Variants in USP6 observed in about 807,000 individuals in gnomAD.
USP6 encodes the protein ubiquitin specific peptidase 6.
USP6 carries 128 observed loss-of-function variants against 175.7 expected under a neutral mutation model. The observed-to-expected ratio is 0.73, with a 90% CI of 0.63 to 0.84. USP6 has a LOEUF of 0.84. Ranked by LOEUF, USP6 falls within the 40% of genes least tolerant of loss-of-function variation. The pLI is 0.00. For synonymous variants in USP6, 562 were observed against 630.6 expected (o/e 0.89, Z 1.63); for missense variants, 1,498 against 1,760.3 (o/e 0.85, Z 2.67).
chr17:5,164,758 G>C (rs2074067333), intron 33 of USP6, among the ~76,000 whole-genome samples: 1 of 152,238 alleles, frequency 6.6e-6, no homozygotes, highest in Non-Finnish European at 1.5e-5. Flanking sequence ...CATGTGCTTA[G>C]AAAGTCATGT....
At chr17:5,169,630 T>C (rs1456126019) in intron 35 of USP6, among the ~76,000 whole-genome samples, 1 of 152,070 alleles carries the variant, frequency 6.6e-6, no homozygotes. Flanking sequence ...TTTGTAGAGA[T>C]GGTGCTTCGC....
At chr17:5,136,953 G>A (rs551309791) in intron 18 of USP6, among the ~76,000 whole-genome samples, 168 bp from the exon 19 acceptor site, 32 of 152,348 alleles carry the variant, frequency 2.1e-4, no homozygotes, top group African/African-American at 7.7e-4. Flanking sequence ...TGCAGAGCAG[G>A]GCAAAGGGCA....
chr17:5,124,854 G>A lies in USP6; in HGVS notation c.-1010G>A, dbSNP rs982167681. 1 of 152,222 alleles carries A rather than the reference G, an allele frequency of 6.6e-6. No individual in the cohort carries two copies. The highest frequency in any genetic ancestry group is 2.4e-5 in the African/African-American group (1 of 41,452). 9.4% of individuals were successfully genotyped at this position (152,222 alleles called of 1,614,324 possible). A position where few individuals can be genotyped will look rare whatever the true frequency, so the allele number is the denominator to read the frequency against. ...ATCTACAGCCCCCAAAGTGTGCTGCGGGACCCTTGGGTGGGTGTAGGTATG... is the reference window on the plus strand; with the variant it reads ...ATCTACAGCCCCCAAAGTGTGCTGCAGGACCCTTGGGTGGGTGTAGGTATG... On this transcript the variant is annotated 5_prime_UTR_variant, in exon 5 of 38. Coordinates refer to ENST00000574788, the MANE Select transcript of USP6 (RefSeq NM_001304284.2).
chr17:5,133,336 A>G, intron 13 of USP6, 107 bp from the exon 14 acceptor site: 1 of 1,257,014 alleles, frequency 8.0e-7, no homozygotes, highest in South Asian at 1.3e-5. Flanking sequence ...TCTCGCCTCT[A>G]CTGAGGAATC....
In USP6 at chr17:5,135,191, A is replaced by G. The variant is rs776782793; in HGVS notation, c.495-43A>G. 1.9e-6 allele frequency: 3 copies of G among 1,603,726 alleles called. No individual in the cohort carries two copies. The East Asian group carries it at 6.7e-5, about 36-fold the overall frequency. ...TTGTAGACAAAGTGAAACTAACAGC[A>G]TCTGCACAAACCAAACCATAGCCCC... On this transcript the variant is annotated intron_variant, in intron 15 of 37. Transcript: ENST00000574788.
At chr17:5,170,437 G>A in intron 35 of USP6, 42 bp from the exon 36 acceptor site, 1 of 1,539,684 alleles carries the variant, frequency 6.5e-7, no homozygotes, top group Non-Finnish European at 8.8e-7. Flanking sequence ...CTTACTTTCT[G>A]GCATTTGGAT....
chr17:5,126,161 G>A (rs1260294062), intron 6 of USP6, among the ~76,000 whole-genome samples: 2 of 151,352 alleles, frequency 1.3e-5, no homozygotes, highest in Non-Finnish European at 2.9e-5. Context: ...CGTAGACCAT[G>A]CTTCAGTCTC....
chr17:5,139,707 T>C (rs567990363), intron 22 of USP6, 33 bp downstream of exon 22: 4 of 1,601,028 alleles, frequency 2.5e-6, no homozygotes, highest in Non-Finnish European at 3.4e-6. Flanking sequence ...TGAGCCACAA[T>C]GTGGGCATGG....
chr17:5,139,627 A>G lies in USP6; in HGVS notation c.1451A>G (p.Gln484Arg). The change falls in exon 22 of 38, where the codon CAG (glutamine) becomes CGG (arginine). Residue 484 changes from glutamine (Q) to arginine (R), a missense_variant. Gln to Arg is a conservative substitution (Grantham distance 43). Around this residue, in one of 2 missense-constraint regions of USP6, gnomAD observed 1,217 missense variants for 1,500.8 expected, o/e 0.81. Coordinates refer to ENST00000574788, the MANE Select transcript of USP6 (RefSeq NM_001304284.2). Reference sequence around the variant, plus strand: ...AGCTGCTGGGTCCGTGCCATATCCCAGGAGGACCAGCTGGCCACCTGCTGG... The same window carrying G: ...AGCTGCTGGGTCCGTGCCATATCCCGGGAGGACCAGCTGGCCACCTGCTGG... Reference protein sequence around the residue: ...EWSCWVRAISQEDQLATCWQA... With the variant: ...EWSCWVRAISREDQLATCWQA... 2 of 1,612,988 alleles carry G rather than the reference A, an allele frequency of 1.2e-6. No homozygotes were observed. Among genetic ancestry groups the G allele is most frequent in the African/African-American group, 2.7e-5 (2 of 75,052 alleles).
At chr17:5,155,663 A>G in intron 31 of USP6, 57 bp downstream of exon 31, 1 of 1,547,834 alleles carries the variant, frequency 6.5e-7, no homozygotes, top group Non-Finnish European at 8.7e-7. Flanking sequence ...AAAATAATTT[A>G]TATGAATTCT....
intron 31 of USP6, among the ~76,000 whole-genome samples, chr17:5,158,665 G>GAGAGAGAGAGAGAGAGAGAGAT (rs2073945651): frequency 7.7e-6 from 1 of 129,410 alleles, no homozygotes; most frequent in East Asian, 2.5e-4. Flanking sequence ...GAGAGAGAGA[G>GAGAGAGAGAGAGAGAGAGAGAT]AGAGAGATTG....
At position 5,137,135 on chromosome 17, in the gene USP6, A is replaced by C. The variant is rs767618915; in HGVS notation, c.774A>C (p.Leu258=). ...KTMWHQDKEG[L]CGQCASLGCL... is the part of the protein sequence containing the mutation. Reference sequence around the variant, plus strand: ...CATCCCATCAGGACAAGGAAGGTCTATGCGGGCAGTGTGCCTCGTTAGGCT... The same window carrying C: ...CATCCCATCAGGACAAGGAAGGTCTCTGCGGGCAGTGTGCCTCGTTAGGCT... The change falls in exon 19 of 38, where the codon CTA becomes CTC. Residue 258 remains leucine (L), a synonymous_variant. Transcript: ENST00000574788. 2 of 1,613,476 alleles carry C rather than the reference A, an allele frequency of 1.2e-6. No homozygotes were observed. The highest frequency in any genetic ancestry group is 1.7e-6 in the Non-Finnish European group (2 of 1,179,588).
intron 31 of USP6, among the ~76,000 whole-genome samples, chr17:5,156,883 C>A (rs779277568): frequency 6.6e-6 from 1 of 151,578 alleles, no homozygotes; most frequent in Non-Finnish European, 1.5e-5. Context: ...ATGCTCGCAA[C>A]CACACCCAGC....
At chr17:5,137,479 A>AC (rs1329958186) in intron 19 of USP6, among the ~76,000 whole-genome samples, 172 bp from the exon 20 acceptor site, 4 of 152,066 alleles carry the variant, frequency 2.6e-5, no homozygotes, top group Admixed American at 6.5e-5. Flanking sequence ...TCAAATGAGT[A>AC]CCCCCCCATG....
In USP6 at chr17:5,138,182, T is replaced by C; in HGVS notation, c.987T>C (p.Asp329=). ...LWARLRNQFF[D]TWAMNDDTVL... is the part of the protein sequence containing the mutation. ...CACGTCTGCGGAACCAATTCTTCGA[T>C]ACCTGGGCCATGAACGATGACACCG... Residue 329 remains aspartate, a synonymous_variant, in exon 21 of 38, where the codon GAT becomes GAC. Transcript: ENST00000574788. The C allele has an allele frequency of 6.2e-7, 1 of 1,613,984 alleles. No homozygotes were observed. The highest frequency in any genetic ancestry group is 1.7e-5 in the Admixed American group (1 of 60,008).
At chr17:5,149,554 G>T (rs751910770) in intron 30 of USP6, among the ~76,000 whole-genome samples, 3 of 152,164 alleles carry the variant, frequency 2.0e-5, no homozygotes, top group Admixed American at 1.3e-4. Flanking sequence ...CAATAAGTGA[G>T]ACCTTGTCTC....
At chr17:5,120,595 T>C in intron 2 of USP6, 32 bp from the exon 3 acceptor site, 1 of 364,222 alleles carries the variant, frequency 2.7e-6, no homozygotes, top group East Asian at 7.3e-5. Context: ...CAGGATGGCC[T>C]TGGGTGAGCT....
intron 30 of USP6, 94 bp from the exon 31 acceptor site, chr17:5,155,328 G>A: frequency 2.9e-6 from 4 of 1,368,166 alleles, no homozygotes; most frequent in Non-Finnish European, 4.1e-6. Context: ...AATTTGAAAT[G>A]GTGATAATGC....
At position 5,172,804 on chromosome 17, in the gene USP6, G is replaced by A; in HGVS notation, c.4048-1G>A. On this transcript the variant is annotated splice_acceptor_variant, in intron 37 of 37. Coordinates refer to ENST00000574788, the MANE Select transcript of USP6 (RefSeq NM_001304284.2). LOFTEE classifies it high-confidence loss of function. ...GTTAAAGGTTTTTCTTGCCCTTTCA[G>A]GAACTTCACCCTGATGAAATTGACA... 1 of 1,613,026 alleles carries A rather than the reference G, an allele frequency of 6.2e-7. No individual in the cohort carries two copies.
Sources: allele counts gnomAD v4.1 joint callset (sites outside exome capture counted in the v4.1 genomes callset), GRCh38; gene constraint gnomAD v4.1.1; regional missense constraint gnomAD v4.1.1; transcripts MANE v1.5; gene names NCBI Gene and HGNC (gene_info 2026-07-23, HGNC 2026-07-21).